The following PINK1 variants were observed in gnomAD, a reference collection of about 807,000 sequenced individuals.
The protein encoded by PINK1 is serine/threonine-protein kinase PINK1, mitochondrial.
PINK1 carries 58 observed loss-of-function variants against 56.0 expected under a neutral mutation model. That is an observed-to-expected ratio of 1.04 (90% CI 0.84 to 1.29). The LOEUF (loss-of-function observed/expected upper bound fraction) is 1.29, where lower values mean the gene tolerates loss of function less well. Among genes scored for constraint, PINK1 ranks in the 50% most tolerant of loss-of-function variants. PINK1 has a pLI of 0.00. For missense variants in PINK1, 745 were observed against 777.9 expected (o/e 0.96, Z 0.50); for synonymous variants, 354 against 339.3 (o/e 1.04, Z -0.48).
At chr1:20,633,981 G>T in intron 1 of PINK1, 46 bp downstream of exon 1, 1 of 1,549,376 alleles carries the variant, frequency 6.5e-7, no homozygotes, top group Non-Finnish European at 8.7e-7. Context: ...GGAGCTAAGC[G>T]CGGGGGCGGG....
At position 20,633,892 on chromosome 1, in the gene PINK1, A is replaced by T. The variant is rs148871409; in HGVS notation, c.344A>T (p.Gln115Leu). 0.046 allele frequency: 72,575 copies of T among 1,582,768 alleles called. 1,905 individuals are homozygous for T. Among genetic ancestry groups the T allele is most frequent in the Non-Finnish European group, 0.055 (63,914 of 1,166,698 alleles). Residue 115 changes from glutamine (Q) to leucine (L), a missense_variant, in exon 1 of 8, where the codon CAG becomes CTG. By Grantham distance (113) the Gln-to-Leu change is moderately radical (BLOSUM62 -2). Coordinates refer to ENST00000321556, the MANE Select transcript of PINK1 (RefSeq NM_032409.3). ...GGGCTGGGCCTCATCGAGGAAAAAC[A>T]GGCGGAGAGCCGGCGGGCGGTCTCG... is the stretch of plus-strand genomic sequence containing the variant. Reference protein sequence around the residue: ...GLGLGLIEEKQAESRRAVSAC... With the variant: ...GLGLGLIEEKLAESRRAVSAC...
rs1378349697 is a variant in PINK1, at chr1:20,650,706, G to C, written c.*15G>C. ...CAGCCCTGTGATGTCCCTGCATGGA[G>C]CTGGTGAATTACTAAAAGAACATGG... is the stretch of plus-strand genomic sequence containing the variant. On this transcript the variant is annotated 3_prime_UTR_variant, in exon 8 of 8. Transcript: ENST00000321556. 6.2e-7 allele frequency: 1 copy of C among 1,611,912 alleles called. No homozygotes were observed. Among genetic ancestry groups the C allele is most frequent in the Non-Finnish European group, 8.5e-7 (1 of 1,179,832 alleles).
In PINK1 at chr1:20,638,056, CAGG is replaced by C. The variant is rs1479425899; in HGVS notation, c.605_607del (p.Gly202del). On this transcript the variant is annotated inframe_deletion, in exon 2 of 8. Transcript: ENST00000321556. ...GGGAGAGGCCCAGGTACCAGTGCAC[CAGG>C]AGAAGGGCAGGAGCGAGCTCCGGGG... is the stretch of plus-strand genomic sequence containing the variant. 11 of 1,614,044 alleles carry C rather than the reference CAGG, an allele frequency of 6.8e-6. No homozygotes were observed. Among genetic ancestry groups the C allele is most frequent in the Non-Finnish European group, 9.3e-6 (11 of 1,180,026 alleles).
Position 20,647,182 on chromosome 1 carries a change from G to A in PINK1, c.1124-1323G>A, listed in dbSNP as rs1357479940. 3.4e-5 allele frequency among the ~76,000 whole-genome samples: 5 copies of A among 148,930 alleles called. No homozygotes were observed. In the South Asian group the frequency reaches 6.5e-4, roughly 19 times the overall value. On this transcript the variant is annotated intron_variant, in intron 5 of 7. Coordinates refer to ENST00000321556, the MANE Select transcript of PINK1 (RefSeq NM_032409.3). ...CACCATTCTCCTGCTTCAGCCTCCC[G>A]AGTAGCTGGGACTACAGGCGCCCAC...
At chr1:20,639,581 A>T in intron 2 of PINK1, 1 of 423,546 alleles carries the variant, frequency 2.4e-6, no homozygotes, top group South Asian at 2.1e-5. Flanking sequence ...ACTGGTGGGG[A>T]CCAGAGGCAC....
At chr1:20,648,915 C>A in intron 6 of PINK1, 80 bp from the exon 7 acceptor site, 1 of 1,479,128 alleles carries the variant, frequency 6.8e-7, no homozygotes, top group Non-Finnish European at 9.4e-7. Flanking sequence ...TCAGATTAGC[C>A]CATGGATCAG....
Position 20,644,509 on chromosome 1 carries a change from A to G in PINK1, c.796A>G (p.Lys266Glu). The G allele has an allele frequency of 6.2e-7, 1 of 1,614,182 alleles. No homozygotes were observed. Among genetic ancestry groups the G allele is most frequent in the Non-Finnish European group, 8.5e-7 (1 of 1,180,022 alleles). ...VTYRKSKRGPKQLAPHPNIIR... is the reference protein window; with the variant it reads ...VTYRKSKRGPEQLAPHPNIIR... ...GACTAGAAAATCCAAGAGAGGTCCC[A>G]AGCAACTAGCCCCTCACCCCAACAT... The change falls in exon 4 of 8, where the codon AAG (lysine) becomes GAG (glutamate). Residue 266 changes from lysine to glutamate, a missense_variant. Coordinates refer to ENST00000321556, the MANE Select transcript of PINK1 (RefSeq NM_032409.3).
At chr1:20,639,479 A>C in intron 2 of PINK1, 1 of 303,684 alleles carries the variant, frequency 3.3e-6, no homozygotes. Flanking sequence ...GTGATTCAGT[A>C]CAACTTCACC....
Position 20,645,554 on chromosome 1 carries a change from C to T in PINK1, c.960-6C>T, listed in dbSNP as rs988870376. ...GTAGCCAGAGGCCCTCTCCCCTCTCCGCCAGCTATCCCTGTACCCTGCGCC... is the reference window on the plus strand; with the variant it reads ...GTAGCCAGAGGCCCTCTCCCCTCTCTGCCAGCTATCCCTGTACCCTGCGCC... On this transcript the variant is annotated splice_polypyrimidine_tract_variant and splice_region_variant and intron_variant, in intron 4 of 7. Transcript: ENST00000321556. 6.2e-7 allele frequency: 1 copy of T among 1,613,374 alleles called. No individual in the cohort carries two copies. Among genetic ancestry groups the T allele is most frequent in the African/African-American group, 1.3e-5 (1 of 74,950 alleles).
Position 20,637,943 on chromosome 1 carries a change from T to C in PINK1, c.489T>C (p.Gly163=), listed in dbSNP as rs1341487576. The C allele has an allele frequency of 6.2e-7, 1 of 1,614,122 alleles. No homozygotes were observed. Among genetic ancestry groups the C allele is most frequent in the Admixed American group, 1.7e-5 (1 of 60,012 alleles). The change falls in exon 2 of 8, where the codon GGT becomes GGC. Residue 163 remains glycine, a synonymous_variant. Transcript: ENST00000321556. ...AGTATCTGATAGGGCAGTCCATTGG[T>C]AAGGGCTGCAGTGCTGCTGTGTATG... ...LEEYLIGQSI[G]KGCSAAVYEA...
chr1:20,645,117 G>C (rs1214623387), intron 4 of PINK1, among the ~76,000 whole-genome samples: 1 of 152,202 alleles, frequency 6.6e-6, no homozygotes, highest in Non-Finnish European at 1.5e-5. Context: ...GGAGGGAACA[G>C]AAAGGATGCT....
At position 20,648,982 on chromosome 1, in the gene PINK1, T is replaced by C; in HGVS notation, c.1252-13T>C. ...GCGGGCAGCGTGATGTCTCACCCACTGCTTCTGAGCAGGTGTCCACGGCCC... is the reference window on the plus strand; with the variant it reads ...GCGGGCAGCGTGATGTCTCACCCACCGCTTCTGAGCAGGTGTCCACGGCCC... On this transcript the variant is annotated splice_polypyrimidine_tract_variant and intron_variant, in intron 6 of 7. Transcript: ENST00000321556. 6.2e-7 allele frequency: 1 copy of C among 1,612,366 alleles called. No homozygotes were observed. Among genetic ancestry groups the C allele is most frequent in the Non-Finnish European group, 8.5e-7 (1 of 1,179,696 alleles).
At chr1:20,640,330 T>G (rs1394509587) in intron 3 of PINK1, among the ~76,000 whole-genome samples, 1 of 152,050 alleles carries the variant, frequency 6.6e-6, no homozygotes, top group African/African-American at 2.4e-5. Context: ...TAAACTGAAC[T>G]CTGTCCCCAC....
In PINK1 at chr1:20,640,002, C is replaced by T. The variant is rs527510763; in HGVS notation, c.776+10C>T. ...GAGCAGTCACTTACAGGTAAGTGCC[C>T]TCTGCCTGCCAGACTGACTGGGACT... On this transcript the variant is annotated intron_variant, in intron 3 of 7. Coordinates refer to ENST00000321556, the MANE Select transcript of PINK1 (RefSeq NM_032409.3). 111 of 1,590,846 alleles carry T rather than the reference C, an allele frequency of 7.0e-5. 2 individuals carry two copies. In the South Asian group the frequency reaches 1.2e-3, roughly 17 times the overall value.
At chr1:20,644,317 G>A (rs919236398) in intron 3 of PINK1, among the ~76,000 whole-genome samples, 173 bp from the exon 4 acceptor site, 8 of 152,212 alleles carry the variant, frequency 5.3e-5, no homozygotes, top group Non-Finnish European at 1.0e-4. Context: ...GGAGTCATCA[G>A]ATGTGTTCTC....
rs192569906 is a variant in PINK1 at position 20,636,967 on chromosome 1, C to A, written c.388-875C>A. Among the ~76,000 whole-genome samples, 211 of 152,264 alleles carry A rather than the reference C, an allele frequency of 1.4e-3. 2 individuals carry two copies. The highest frequency in any genetic ancestry group is 2.2e-3 in the Non-Finnish European group (151 of 68,020). On this transcript the variant is annotated intron_variant, in intron 1 of 7. Transcript: ENST00000321556. Reference sequence around the variant, plus strand: ...CCTCCTGGGCAGTCTGATGGACAGCCGAGTGACACATGAAAGCAACATATT... The same window carrying A: ...CCTCCTGGGCAGTCTGATGGACAGCAGAGTGACACATGAAAGCAACATATT...
intron 2 of PINK1, 162 bp downstream of exon 2, chr1:20,638,291 A>G: frequency 1.2e-6 from 1 of 802,636 alleles, no homozygotes; most frequent in South Asian, 1.8e-5. Context: ...ACAGAAGTCT[A>G]AACCAGAATG....
chr1:20,644,773 C>A (rs763193153), intron 4 of PINK1, 101 bp downstream of exon 4: 20 of 1,436,932 alleles, frequency 1.4e-5, no homozygotes, highest in Admixed American at 1.9e-5. Context: ...TTTTGGAGAA[C>A]AGGGTCATCA....
In PINK1 at chr1:20,637,948, G is replaced by T; in HGVS notation, c.494G>T (p.Gly165Val). Residue 165 changes from glycine to valine, a missense_variant, in exon 2 of 8, where the codon GGC (glycine) becomes GTC (valine). By Grantham distance (109) the Gly-to-Val change is moderately radical (BLOSUM62 -3). Transcript: ENST00000321556. ...CTGATAGGGCAGTCCATTGGTAAGG[G>T]CTGCAGTGCTGCTGTGTATGAAGCC... is the stretch of plus-strand genomic sequence containing the variant. Reference protein sequence around the residue: ...EYLIGQSIGKGCSAAVYEATM... With the variant: ...EYLIGQSIGKVCSAAVYEATM... The T allele has an allele frequency of 1.9e-6, 3 of 1,614,200 alleles. No homozygotes were observed. The highest frequency in any genetic ancestry group is 2.5e-6 in the Non-Finnish European group (3 of 1,180,034).
Sources: allele counts gnomAD v4.1 joint callset (sites outside exome capture counted in the v4.1 genomes callset), GRCh38; gene constraint gnomAD v4.1.1; transcripts MANE v1.5; gene names NCBI Gene and HGNC (gene_info 2026-07-23, HGNC 2026-07-21).